Variants in GTSE1 observed in about 807,000 individuals in gnomAD.
GTSE1 encodes the protein G2 and S-phase expressed 1, also known as G2 and S phase-expressed protein 1.
Under a neutral mutation model 60.5 loss-of-function variants are expected in GTSE1, and 52 were observed. The ratio of observed to expected loss-of-function variants is 0.86; its 90% CI spans 0.69 to 1.08. The LOEUF is 1.08. Ranked by LOEUF, GTSE1 falls within the 50% of genes least tolerant of loss-of-function variation. The pLI, the probability that GTSE1 is intolerant of heterozygous loss-of-function variation, is 0.00. For synonymous variants in GTSE1, 368 were observed against 386.5 expected (o/e 0.95, Z 0.56); for missense variants, 937 against 961.8 (o/e 0.97, Z 0.34).
chr22:46,328,325 C>T (rs956650489), intron 9 of GTSE1, among the ~76,000 whole-genome samples: 4 of 152,184 alleles, frequency 2.6e-5, no homozygotes, highest in Admixed American at 1.3e-4. Context: ...GGAGAAGCCC[C>T]CCACTAGCTG....
chr22:46,306,060 T>C (rs2077713666), intron 2 of GTSE1, among the ~76,000 whole-genome samples: 1 of 152,236 alleles, frequency 6.6e-6, no homozygotes, highest in South Asian at 2.1e-4. Flanking sequence ...TTTTGTGCAT[T>C]TGTTCTGACT....
intron 8 of GTSE1, among the ~76,000 whole-genome samples, chr22:46,323,788 C>T (rs553364610): frequency 2.6e-5 from 4 of 152,190 alleles, no homozygotes; most frequent in East Asian, 3.9e-4. Context: ...CCCGGGTTCA[C>T]GCCATTCTCC....
rs2077708137 is a variant in GTSE1 at position 46,304,952 on chromosome 22, C to G, written c.80-3198C>G. On this transcript the variant is annotated intron_variant, in intron 2 of 11. Coordinates refer to ENST00000454366, the MANE Select transcript of GTSE1 (RefSeq NM_016426.7). The surrounding 1 kb of genome is among the most constrained non-coding windows in gnomAD (Gnocchi z 4.4). The stretch of plus-strand genomic sequence containing the variant: ...TATGATTGTACCACTGTACTCCAGC[C>G]TGGGTGACAGAGCGAGACCCTGTCT... Among the ~76,000 whole-genome samples, 1 of 152,210 alleles carries G rather than the reference C, an allele frequency of 6.6e-6. No homozygotes were observed.
At position 46,329,634 on chromosome 22, in the gene GTSE1, C is replaced by T. The variant is rs932565948; in HGVS notation, c.2136+67C>T. The T allele has an allele frequency of 3.2e-6, 4 of 1,267,810 alleles. No individual in the cohort carries two copies. The highest frequency in any genetic ancestry group is 4.6e-6 in the Non-Finnish European group (4 of 868,662). 78.5% of individuals were successfully genotyped at this position (1,267,810 alleles called of 1,614,324 possible). ...GTCCTCAGTTCTGGGATTGTTCATCCTCCCAGGGCCATCGTGGGACCCTTG... is the reference window on the plus strand; with the variant it reads ...GTCCTCAGTTCTGGGATTGTTCATCTTCCCAGGGCCATCGTGGGACCCTTG... On this transcript the variant is annotated intron_variant, in intron 11 of 11. Transcript: ENST00000454366. This position sits in a 1 kb window ranked among gnomAD's most constrained non-coding sequence, Gnocchi z 6.4.
chr22:46,318,800 A>G lies in GTSE1; in HGVS notation c.1432+2388A>G, dbSNP rs1332955839. 2.0e-5 allele frequency among the ~76,000 whole-genome samples: 3 copies of G among 152,146 alleles called. No homozygotes were observed. The highest frequency in any genetic ancestry group is 4.4e-5 in the Non-Finnish European group (3 of 68,016). On this transcript the variant is annotated intron_variant, in intron 7 of 11. Transcript: ENST00000454366. The surrounding 1 kb of genome is among the most constrained non-coding windows in gnomAD (Gnocchi z 4.8). Reference sequence around the variant, plus strand: ...TCGGGATTCTGCGTAGACGTGCGACAGCTGGTCAGTACTCCTTGGTGTCAG... The same window carrying G: ...TCGGGATTCTGCGTAGACGTGCGACGGCTGGTCAGTACTCCTTGGTGTCAG...
rs1033402980 is a variant in GTSE1, at chr22:46,314,766, C to G, written c.1051+753C>G. Reference sequence around the variant, plus strand: ...TGGCGGGTGCCTGTAGTCCCAGCTACTCGGGAGACTGGGCCACGAGAATGG... The same window carrying G: ...TGGCGGGTGCCTGTAGTCCCAGCTAGTCGGGAGACTGGGCCACGAGAATGG... On this transcript the variant is annotated intron_variant, in intron 6 of 11. Transcript: ENST00000454366. This position sits in a 1 kb window ranked among gnomAD's most constrained non-coding sequence, Gnocchi z 7.1. Among the ~76,000 whole-genome samples, 14 of 150,984 alleles carry G rather than the reference C, an allele frequency of 9.3e-5. No individual in the cohort carries two copies. The highest frequency in any genetic ancestry group is 1.8e-4 in the Non-Finnish European group (12 of 67,896).
intron 10 of GTSE1, 56 bp downstream of exon 10, chr22:46,328,945 G>T (rs552510890): frequency 7.1e-6 from 10 of 1,411,454 alleles, no homozygotes; most frequent in Non-Finnish European, 9.9e-6. Context: ...GAGGCTGCTC[G>T]GGAAGCCCGT....
chr22:46,315,964 C>G, intron 6 of GTSE1, 68 bp from the exon 7 acceptor site: 1 of 1,225,558 alleles, frequency 8.2e-7, no homozygotes, highest in Non-Finnish European at 1.1e-6. Context: ...GACAGCATAA[C>G]TTCTGTGTGT....
In GTSE1 at chr22:46,320,992, C is replaced by T. The variant is rs751919181; in HGVS notation, c.1433-2198C>T. ...GAGGACAACCGAGAGGAAGGGGTCTCGGGAGAGAGGGAGCCAACACGGGAG... is the reference window on the plus strand; with the variant it reads ...GAGGACAACCGAGAGGAAGGGGTCTTGGGAGAGAGGGAGCCAACACGGGAG... On this transcript the variant is annotated intron_variant, in intron 7 of 11. Transcript: ENST00000454366. The surrounding 1 kb of genome is among the most constrained non-coding windows in gnomAD (Gnocchi z 7.1). 6.6e-6 allele frequency among the ~76,000 whole-genome samples: 1 copy of T among 151,730 alleles called. No individual in the cohort carries two copies. The highest frequency in any genetic ancestry group is 2.4e-5 in the African/African-American group (1 of 41,282).
chr22:46,311,298 A>T (rs180853665), intron 4 of GTSE1, among the ~76,000 whole-genome samples: 1 of 152,188 alleles, frequency 6.6e-6, no homozygotes, highest in African/African-American at 2.4e-5. Flanking sequence ...GGCTGGTCTC[A>T]AACTCCTGGC....
At position 46,326,434 on chromosome 22, in the gene GTSE1, AG is replaced by A. The variant is rs758006030; in HGVS notation, c.1507del. The A allele has an allele frequency of 5.6e-6, 9 of 1,594,776 alleles. No individual in the cohort carries two copies. The African/African-American group carries it at 1.2e-4, about 21-fold the overall frequency. On this transcript the variant is annotated splice_acceptor_variant, in intron 8 of 11. Transcript: ENST00000454366. LOFTEE classifies it high-confidence loss of function. ...TCACGACACTGATGTTGTGTTTGCC[AG>A]GGTCACTGTCCACAGCACCCCGGTT...
chr22:46,297,463 T>TGACC lies in GTSE1; in HGVS notation c.64_67dup (p.Pro23ArgfsTer3). The stretch of plus-strand genomic sequence containing the variant: ...GCCGGGCAGGGGACGTGAACATGGA[T>TGACC]GACCCTAAGAAGGAAGGCAAGTCCT... On this transcript the variant is annotated frameshift_variant, in exon 2 of 12. Coordinates refer to ENST00000454366, the MANE Select transcript of GTSE1 (RefSeq NM_016426.7). LOFTEE classifies it high-confidence loss of function. This position sits in a 1 kb window ranked among gnomAD's most constrained non-coding sequence, Gnocchi z 4.9. The TGACC allele has an allele frequency of 6.2e-7, 1 of 1,612,878 alleles. No individual in the cohort carries two copies. The highest frequency in any genetic ancestry group is 8.5e-7 in the Non-Finnish European group (1 of 1,178,870).
At chr22:46,303,777 G>A (rs2077702086) in intron 2 of GTSE1, among the ~76,000 whole-genome samples, 2 of 152,158 alleles carry the variant, frequency 1.3e-5, no homozygotes, top group South Asian at 2.1e-4. Flanking sequence ...GTTGGCTCTG[G>A]TGACTCACTT....
chr22:46,312,175 C>CA lies in GTSE1; in HGVS notation c.802dup (p.Ile268AsnfsTer4). The CA allele has an allele frequency of 6.2e-7, 1 of 1,613,862 alleles. No individual in the cohort carries two copies. Among genetic ancestry groups the CA allele is most frequent in the Non-Finnish European group, 8.5e-7 (1 of 1,179,856 alleles). ...GAGATTCCAGCTAGTCCTTCCAGGA[C>CA]AAAAATCCCAGCTGAGAAGGAATCC... On this transcript the variant is annotated frameshift_variant, in exon 5 of 12. Transcript: ENST00000454366. LOFTEE classifies it high-confidence loss of function.
chr22:46,297,937 T>C lies in GTSE1; in HGVS notation c.79+458T>C, dbSNP rs1272627576. Among the ~76,000 whole-genome samples the C allele has an allele frequency of 1.3e-5, 2 of 152,152 alleles. No homozygotes were observed. The highest frequency in any genetic ancestry group is 4.8e-5 in the African/African-American group (2 of 41,426). ...ACAGAATGAGTTACAGGCCACACCC[T>C]CTTTTTCTCTCAAAGCGTTTTTATT... On this transcript the variant is annotated intron_variant, in intron 2 of 11. Transcript: ENST00000454366. This position sits in a 1 kb window ranked among gnomAD's most constrained non-coding sequence, Gnocchi z 4.9.
rs1037540001 is a variant in GTSE1 at position 46,329,567 on chromosome 22, G to A, written c.2136G>A (p.Gln712=). ...CCAAACCTTCACCGGTGGTGGGACAGGTGAGAAGTGGCAGGTGGTTCATGT... is the reference window on the plus strand; with the variant it reads ...CCAAACCTTCACCGGTGGTGGGACAAGTGAGAAGTGGCAGGTGGTTCATGT... ...NVAKPSPVVG[Q]LIDLSSPLIQ... Residue 712 remains glutamine (Q), a splice_region_variant and synonymous_variant, in exon 11 of 12, where the codon CAG becomes CAA. Coordinates refer to ENST00000454366, the MANE Select transcript of GTSE1 (RefSeq NM_016426.7). The surrounding 1 kb of genome is among the most constrained non-coding windows in gnomAD (Gnocchi z 6.4). 2 of 1,612,370 alleles carry A rather than the reference G, an allele frequency of 1.2e-6. No individual in the cohort carries two copies. The highest frequency in any genetic ancestry group is 2.7e-5 in the African/African-American group (2 of 74,906).
At position 46,310,354 on chromosome 22, in the gene GTSE1, C is replaced by T. The variant is rs1342948082; in HGVS notation, c.762+1411C>T. 6.6e-6 allele frequency among the ~76,000 whole-genome samples: 1 copy of T among 152,162 alleles called. No individual in the cohort carries two copies. The highest frequency in any genetic ancestry group is 1.5e-5 in the Non-Finnish European group (1 of 68,040). On this transcript the variant is annotated intron_variant, in intron 4 of 11. Coordinates refer to ENST00000454366, the MANE Select transcript of GTSE1 (RefSeq NM_016426.7). This position sits in a 1 kb window ranked among gnomAD's most constrained non-coding sequence, Gnocchi z 4.4. ...GATGTGGAGAAGCTGGAAGCTCACG[C>T]ATTGCTGGTGGGACTGTGAAATGGG... is the stretch of plus-strand genomic sequence containing the variant.
Position 46,329,436 on chromosome 22 carries a change from C to G in GTSE1, c.2005C>G (p.Leu669Val), listed in dbSNP as rs768031987. ...AAGCCAGCCCCTCATTGACCTTCCT[C>G]TCATCGACTTCTGCGATACCCCAGA... ...AASQPLIDLP[L>V]IDFCDTPEAH... Residue 669 changes from leucine (L) to valine (V), a missense_variant, in exon 11 of 12, where the codon CTC (leucine) becomes GTC (valine). Leu to Val is a conservative substitution (Grantham distance 32). Transcript: ENST00000454366. This position sits in a 1 kb window ranked among gnomAD's most constrained non-coding sequence, Gnocchi z 6.4. 9.3e-6 allele frequency: 15 copies of G among 1,614,096 alleles called. No homozygotes were observed. The highest frequency in any genetic ancestry group is 1.2e-5 in the Non-Finnish European group (14 of 1,180,032).
chr22:46,302,924 G>A (rs1410636717), intron 2 of GTSE1, among the ~76,000 whole-genome samples: 3 of 141,782 alleles, frequency 2.1e-5, no homozygotes, highest in Admixed American at 7.2e-5. Flanking sequence ...CTTTGAGTTG[G>A]AGTCTTGCTC....
Sources: allele counts gnomAD v4.1 joint callset (sites outside exome capture counted in the v4.1 genomes callset), GRCh38; gene constraint gnomAD v4.1.1; non-coding constraint Gnocchi (gnomAD v3.1); transcripts MANE v1.5; gene names NCBI Gene and HGNC (gene_info 2026-07-23, HGNC 2026-07-21).